Variants in NRP1 observed in about 807,000 individuals in gnomAD.
NRP1 encodes the protein neuropilin 1.
In NRP1, 35 loss-of-function variants were observed where a neutral mutation model predicts 106.7. That is an observed-to-expected ratio of 0.33 (90% confidence interval 0.25 to 0.43). The LOEUF is 0.43. Among genes scored for constraint, NRP1 ranks in the 20% least tolerant of loss-of-function variants. The pLI, the probability that NRP1 is intolerant of heterozygous loss-of-function variation, is 1.00. For missense variants in NRP1, 1,024 were observed against 1,170.4 expected (o/e 0.87, Z 1.83); for synonymous variants, 437 against 417.9 (o/e 1.05, Z -0.56).
chr10:33,265,185 A>C (rs954172457), intron 3 of NRP1, among the ~76,000 whole-genome samples: 4 of 152,200 alleles, frequency 2.6e-5, no homozygotes, highest in African/African-American at 9.6e-5. Context: ...CAACATGAGC[A>C]CATCAGCTCA....
intron 6 of NRP1, among the ~76,000 whole-genome samples, chr10:33,239,133 A>C (rs1840809640): frequency 1.3e-5 from 2 of 152,026 alleles, no homozygotes; most frequent in Non-Finnish European, 2.9e-5. Flanking sequence ...TCTACAAAAT[A>C]TAAGAAAATT....
intron 2 of NRP1, among the ~76,000 whole-genome samples, chr10:33,305,988 C>T (rs1355665284): frequency 3.3e-5 from 5 of 152,106 alleles, no homozygotes; most frequent in African/African-American, 7.2e-5. Flanking sequence ...AGGCTGGTCT[C>T]GAACTCCTCA....
chr10:33,299,220 A>G (rs1193166429), intron 2 of NRP1, among the ~76,000 whole-genome samples: 1 of 152,046 alleles, frequency 6.6e-6, no homozygotes, highest in Non-Finnish European at 1.5e-5. Context: ...CCCACCCTAC[A>G]AAGCAGTCCC....
At chr10:33,293,807 A>C (rs568393987) in intron 2 of NRP1, among the ~76,000 whole-genome samples, 6 of 152,358 alleles carry the variant, frequency 3.9e-5, no homozygotes, top group South Asian at 4.1e-4. Flanking sequence ...TTGCATAAGA[A>C]AGATGTGGCA....
At chr10:33,186,917 G>C (rs1836048645) in intron 13 of NRP1, among the ~76,000 whole-genome samples, 1 of 152,114 alleles carries the variant, frequency 6.6e-6, no homozygotes, top group Admixed American at 6.6e-5. Flanking sequence ...GGATGCAGTG[G>C]TGTGATCATA....
At chr10:33,266,621 C>T (rs1207269703) in intron 3 of NRP1, among the ~76,000 whole-genome samples, 1 of 152,194 alleles carries the variant, frequency 6.6e-6, no homozygotes, top group Admixed American at 6.5e-5. Context: ...TTAAGAAAGT[C>T]CATGGTGAAT....
chr10:33,326,598 G>T (rs953642249), intron 2 of NRP1, among the ~76,000 whole-genome samples: 1 of 152,072 alleles, frequency 6.6e-6, no homozygotes, highest in Non-Finnish European at 1.5e-5. Context: ...ACGCTCCACT[G>T]GTCTGTTGAT....
At chr10:33,243,933 T>TG (rs1841219287) in intron 6 of NRP1, among the ~76,000 whole-genome samples, 14 of 141,438 alleles carry the variant, frequency 9.9e-5, no homozygotes, top group African/African-American at 3.1e-4. Context: ...GGGTAGAGGT[T>TG]TGTGTGTGTG....
At position 33,220,164 on chromosome 10, in the gene NRP1, A is replaced by C. The variant is rs543640598; in HGVS notation, c.1282+1555T>G. Among the ~76,000 whole-genome samples, 26 of 152,318 alleles carry C rather than the reference A, an allele frequency of 1.7e-4. No homozygotes were observed. In the South Asian group the frequency reaches 4.8e-3, roughly 28 times the overall value. On this transcript the variant is annotated intron_variant, in intron 8 of 16. Transcript: ENST00000374867. The stretch of plus-strand genomic sequence containing the variant: ...AATCAGATGTTGGTTTTTACTTTCC[A>C]AGCTGAACTCTACTATAAACAAGTA...
In NRP1 at chr10:33,221,975, A is replaced by T. The variant is rs112554513; in HGVS notation, c.1138-112T>A. On this transcript the variant is annotated intron_variant, in intron 7 of 16. Transcript: ENST00000374867. ...ATTTACAATTTCAGTGTTGTCGATC[A>T]AGGATGAGATGGCGTTAATAACTCG... The T allele has an allele frequency of 4.0e-5, 48 of 1,193,598 alleles. No homozygotes were observed. The African/African-American group carries it at 5.2e-4, about 13-fold the overall frequency. The allele number at this position is 1,193,598 out of a possible 1,614,324, so 73.9% of individuals were successfully genotyped here. A position where few individuals can be genotyped will look rare whatever the true frequency, so the allele number is the denominator to read the frequency against.
At chr10:33,268,387 G>C (rs1843069384) in intron 3 of NRP1, among the ~76,000 whole-genome samples, 1 of 152,148 alleles carries the variant, frequency 6.6e-6, no homozygotes, top group Non-Finnish European at 1.5e-5. Flanking sequence ...AAGAAGCTGA[G>C]AGTCTTTGAG....
intron 7 of NRP1, among the ~76,000 whole-genome samples, chr10:33,222,380 T>C (rs1245814935): frequency 6.6e-6 from 1 of 152,218 alleles, no homozygotes; most frequent in South Asian, 2.1e-4. Context: ...CTCACACTAA[T>C]GCGTGACTTT....
intron 2 of NRP1, among the ~76,000 whole-genome samples, chr10:33,320,939 A>G (rs1275823338): frequency 6.6e-6 from 1 of 152,214 alleles, no homozygotes; most frequent in Non-Finnish European, 1.5e-5. Flanking sequence ...GAATTTGTCA[A>G]CTTGACTGGC....
chr10:33,244,255 G>A (rs111327446), intron 6 of NRP1, among the ~76,000 whole-genome samples: 4 of 152,240 alleles, frequency 2.6e-5, no homozygotes, highest in African/African-American at 9.6e-5. Flanking sequence ...ATTACGATAT[G>A]AAAGTATTTA....
At chr10:33,199,511 G>C (rs1837109408) in intron 11 of NRP1, among the ~76,000 whole-genome samples, 1 of 144,260 alleles carries the variant, frequency 6.9e-6, no homozygotes, top group Non-Finnish European at 1.5e-5. Flanking sequence ...CCAAAGTGCT[G>C]GTGTTACAGG....
chr10:33,256,305 T>A lies in NRP1; in HGVS notation c.814+11A>T. On this transcript the variant is annotated intron_variant, in intron 5 of 16. Transcript: ENST00000374867. ...TTACCACAGGGCTTTGCAAAATGAA[T>A]AAACACTGACCTTCTGAGACACTGC... The A allele has an allele frequency of 6.2e-7, 1 of 1,613,836 alleles. No individual in the cohort carries two copies. Among genetic ancestry groups the A allele is most frequent in the Non-Finnish European group, 8.5e-7 (1 of 1,179,720 alleles).
chr10:33,222,010 T>C, intron 7 of NRP1, 147 bp from the exon 8 acceptor site: 3 of 780,838 alleles, frequency 3.8e-6, no homozygotes, highest in Non-Finnish European at 6.2e-6. Context: ...GCCATGTTAA[T>C]TTTTTCAATT....
chr10:33,201,348 T>G (rs554562553), intron 11 of NRP1: 1 of 152,278 alleles, frequency 6.6e-6, no homozygotes, highest in South Asian at 2.1e-4. Context: ...ACTGACCACT[T>G]TAGGGTTTAT....
intron 2 of NRP1, among the ~76,000 whole-genome samples, chr10:33,295,814 T>C (rs1845345088): frequency 6.6e-6 from 1 of 152,134 alleles, no homozygotes; most frequent in Non-Finnish European, 1.5e-5. Context: ...AGCAAATACA[T>C]AAAAATAAAC....
Sources: gnomAD v4.1 joint callset for allele counts (sites outside exome capture counted in the v4.1 genomes callset) on GRCh38, gnomAD v4.1.1 for gene constraint, MANE v1.5 for transcripts, NCBI Gene and HGNC (gene_info 2026-07-23, HGNC 2026-07-21) for gene names.